Variants in RPS6KA2 observed in about 807,000 individuals in gnomAD.
The protein encoded by RPS6KA2 is ribosomal protein S6 kinase alpha-2.
RPS6KA2 carries 42 observed loss-of-function variants against 91.8 expected under a neutral mutation model. The ratio of observed to expected loss-of-function variants is 0.46; its 90% CI spans 0.36 to 0.59. RPS6KA2 has a LOEUF of 0.59. Ranked by LOEUF, RPS6KA2 falls within the 20% of genes least tolerant of loss-of-function variation. The pLI is 0.00. For missense variants in RPS6KA2, 798 were observed against 978.5 expected (o/e 0.82, Z 2.46); for synonymous variants, 414 against 393.6 (o/e 1.05, Z -0.61).
In RPS6KA2 at chr6:166,434,966, C is replaced by G. The variant is rs539663164; in HGVS notation, c.1333-2476G>C. Among the ~76,000 whole-genome samples, 1 of 152,252 alleles carries G rather than the reference C, an allele frequency of 6.6e-6. No homozygotes were observed. Among genetic ancestry groups the G allele is most frequent in the Admixed American group, 6.5e-5 (1 of 15,290 alleles). ...CCTTGCCTTCCTGTGAGGAGGGGAA[C>G]AGGGTGCCTGGGGGCCCATGGGTGG... On this transcript the variant is annotated intron_variant, in intron 14 of 20. Coordinates refer to ENST00000265678, the MANE Select transcript of RPS6KA2 (RefSeq NM_021135.6). This position sits in a 1 kb window ranked among gnomAD's most constrained non-coding sequence, Gnocchi z 4.4.
Position 166,557,848 on chromosome 6 carries a change from C to T in RPS6KA2, c.100-19064G>A, listed in dbSNP as rs1201782268. Among the ~76,000 whole-genome samples, 2 of 152,084 alleles carry T rather than the reference C, an allele frequency of 1.3e-5. No homozygotes were observed. ...GCAAAACATTTTAGCCCCAGTTCAC[C>T]ATCCAAATAGAAAGCCTGTTACACC... On this transcript the variant is annotated intron_variant, in intron 1 of 20. Transcript: ENST00000265678. This position sits in a 1 kb window ranked among gnomAD's most constrained non-coding sequence, Gnocchi z 4.8.
chr6:166,734,270 T>C (rs1171089773), intron 2 of RPS6KA2, among the ~76,000 whole-genome samples: 1 of 152,200 alleles, frequency 6.6e-6, no homozygotes, highest in African/African-American at 2.4e-5. Flanking sequence ...TCTTGCCTCG[T>C]ATACCTGTTT....
chr6:166,577,811 T>A (rs6928829), intron 1 of RPS6KA2, among the ~76,000 whole-genome samples: 4 of 151,988 alleles, frequency 2.6e-5, no homozygotes, highest in Non-Finnish European at 4.4e-5. Flanking sequence ...TGGAGGGGCC[T>A]GGGCGGAATG....
chr6:166,758,673 C>T (rs1270654241), intron 2 of RPS6KA2, among the ~76,000 whole-genome samples: 1 of 152,156 alleles, frequency 6.6e-6, no homozygotes, highest in African/African-American at 2.4e-5. Flanking sequence ...TTCGAGGTGA[C>T]AGACAATAGA....
At position 166,572,932 on chromosome 6, in the gene RPS6KA2, G is replaced by A. The variant is rs183766672; in HGVS notation, c.100-34148C>T. On this transcript the variant is annotated intron_variant, in intron 1 of 20. Coordinates refer to ENST00000265678, the MANE Select transcript of RPS6KA2 (RefSeq NM_021135.6). ...GAAATGCAGGAATGCAGCTCATGAGGTTGGGCCCAGGGAGCCCCTGCGTGG... is the reference window on the plus strand; with the variant it reads ...GAAATGCAGGAATGCAGCTCATGAGATTGGGCCCAGGGAGCCCCTGCGTGG... Among the ~76,000 whole-genome samples the A allele has an allele frequency of 8.8e-4, 134 of 152,388 alleles. 1 individual carries two copies. The highest frequency in any genetic ancestry group is 3.1e-3 in the African/African-American group (128 of 41,596).
At chr6:166,510,171 A>G in intron 4 of RPS6KA2, 106 bp downstream of exon 4, 1 of 686,332 alleles carries the variant, frequency 1.5e-6, no homozygotes, top group East Asian at 2.8e-5. Context: ...TCTATGGTAT[A>G]GGAAAGATTT....
chr6:166,643,898 C>A (rs1403190235), intron 2 of RPS6KA2, among the ~76,000 whole-genome samples: 2 of 152,196 alleles, frequency 1.3e-5, no homozygotes, highest in Non-Finnish European at 2.9e-5. Context: ...AGACTGTAAA[C>A]CCTGTGAGGG....
chr6:166,781,062 G>T (rs1778757120), intron 2 of RPS6KA2, among the ~76,000 whole-genome samples: 2 of 152,174 alleles, frequency 1.3e-5, no homozygotes, highest in South Asian at 4.1e-4. Context: ...TCTCTCTAAA[G>T]AAACAGTATT....
At chr6:166,746,850 G>A (rs1025411071) in intron 2 of RPS6KA2, among the ~76,000 whole-genome samples, 2 of 152,154 alleles carry the variant, frequency 1.3e-5, no homozygotes, top group African/African-American at 4.8e-5. Flanking sequence ...CAACTAATTT[G>A]CTAGAGCAGC....
rs1778292998 is a variant in RPS6KA2, at chr6:166,411,263, A to C, written c.*1499T>G. The C allele has an allele frequency of 6.6e-6, 1 of 152,038 alleles. No homozygotes were observed. Among genetic ancestry groups the C allele is most frequent in the Non-Finnish European group, 1.5e-5 (1 of 67,986 alleles). The allele number at this position is 152,038 out of a possible 1,614,324, so 9.4% of individuals were successfully genotyped here. A position where few individuals can be genotyped will look rare whatever the true frequency, so the allele number is the denominator to read the frequency against. On this transcript the variant is annotated 3_prime_UTR_variant, in exon 21 of 21. Transcript: ENST00000265678. The surrounding 1 kb of genome is among the most constrained non-coding windows in gnomAD (Gnocchi z 4.5). ...GTACGAGAATCGAGATGGAGGGGGA[A>C]CAAAACCCAACAAAATAACATCTTC...
chr6:166,671,467 C>T (rs911638294), intron 2 of RPS6KA2, among the ~76,000 whole-genome samples: 15 of 152,114 alleles, frequency 9.9e-5, no homozygotes, highest in East Asian at 1.9e-4. Flanking sequence ...GGTGTACTGA[C>T]GCTGGTGACC....
intron 2 of RPS6KA2, among the ~76,000 whole-genome samples, chr6:166,716,472 C>T (rs1271511889): frequency 6.6e-6 from 1 of 152,120 alleles, no homozygotes; most frequent in Non-Finnish European, 1.5e-5. Flanking sequence ...ATCACTGTAT[C>T]GAAATGACAT....
intron 2 of RPS6KA2, among the ~76,000 whole-genome samples, chr6:166,768,528 G>T (rs1464307879): frequency 6.6e-6 from 1 of 152,140 alleles, no homozygotes; most frequent in Non-Finnish European, 1.5e-5. Context: ...TCTGTGTTAG[G>T]AGTTTCAGCA....
chr6:166,586,624 A>G (rs1785184246), intron 1 of RPS6KA2: 1 of 687,692 alleles, frequency 1.5e-6, no homozygotes, highest in Admixed American at 3.0e-5. Flanking sequence ...GGTCCACTAC[A>G]CCGTGGAACT....
chr6:166,414,649 T>C lies in RPS6KA2; in HGVS notation c.1939-718A>G, dbSNP rs183071324. Among the ~76,000 whole-genome samples, 253 of 152,350 alleles carry C rather than the reference T, an allele frequency of 1.7e-3. 2 individuals carry two copies. Among genetic ancestry groups the C allele is most frequent in the African/African-American group, 5.5e-3 (229 of 41,586 alleles). ...GAGGTAAATGGGGCAAATATTACTTTTCCTAATTTGCAGATGAAGACATTA... is the reference window on the plus strand; with the variant it reads ...GAGGTAAATGGGGCAAATATTACTTCTCCTAATTTGCAGATGAAGACATTA... On this transcript the variant is annotated intron_variant, in intron 19 of 20. Transcript: ENST00000265678.
intron 3 of RPS6KA2, among the ~76,000 whole-genome samples, chr6:166,521,639 C>T (rs539564732): frequency 2.4e-3 from 359 of 152,280 alleles, no homozygotes; most frequent in Middle Eastern, 0.01. Context: ...TGAATCATAC[C>T]TTGGATCTCA....
chr6:166,538,361 A>G (rs984385567), intron 2 of RPS6KA2, among the ~76,000 whole-genome samples: 6 of 152,016 alleles, frequency 3.9e-5, no homozygotes, highest in African/African-American at 1.4e-4. Context: ...TCAAAGATAC[A>G]TTGGCTCAGG....
chr6:166,591,658 G>C (rs1007271097), intron 1 of RPS6KA2, among the ~76,000 whole-genome samples: 1 of 152,188 alleles, frequency 6.6e-6, no homozygotes, highest in Admixed American at 6.5e-5. Flanking sequence ...GATCCTCCCA[G>C]GGCGTTGGAG....
Position 166,443,505 on chromosome 6 carries a change from C to T in RPS6KA2, c.1332+5219G>A, listed in dbSNP as rs564459902. Among the ~76,000 whole-genome samples the T allele has an allele frequency of 6.6e-5, 10 of 152,320 alleles. No homozygotes were observed. The South Asian group carries it at 2.1e-3, about 32-fold the overall frequency. ...ATTTTTTACTGCTATTCCCAATTCCCTGGAGAGACAGACTCCTCACATGGA... is the reference window on the plus strand; with the variant it reads ...ATTTTTTACTGCTATTCCCAATTCCTTGGAGAGACAGACTCCTCACATGGA... On this transcript the variant is annotated intron_variant, in intron 14 of 20. Transcript: ENST00000265678.
Sources: gnomAD v4.1 joint callset for allele counts (sites outside exome capture counted in the v4.1 genomes callset) on GRCh38, gnomAD v4.1.1 for gene constraint, Gnocchi (gnomAD v3.1) non-coding constraint, MANE v1.5 for transcripts, NCBI Gene and HGNC (gene_info 2026-07-23, HGNC 2026-07-21) for gene names.